CAST: variants seen among roughly 807,000 people sequenced by gnomAD.
The protein encoded by CAST is calpastatin, also known as MIR583 host.
In CAST, 76 loss-of-function variants were observed where a neutral mutation model predicts 119.6. That is an observed-to-expected ratio of 0.64 (90% confidence interval 0.53 to 0.77). The LOEUF (loss-of-function observed/expected upper bound fraction) is 0.77, where lower values mean the gene tolerates loss of function less well. CAST is among the 30% of genes least tolerant of loss of function. The pLI is 0.00. For synonymous variants in CAST, 319 were observed against 331.6 expected (o/e 0.96, Z 0.41); for missense variants, 953 against 946.5 (o/e 1.01, Z -0.09).
intron 1 of CAST, among the ~76,000 whole-genome samples, chr5:96,570,351 T>C (rs929440629): frequency 1.2e-4 from 18 of 152,170 alleles, no homozygotes; most frequent in African/African-American, 4.3e-4. Context: ...TTGGTAATCA[T>C]GGAGCCATGG....
chr5:96,036,161 A>ATT, the CAST span, among the ~76,000 whole-genome samples: 750 of 149,796 alleles, frequency 5.0e-3, 6 homozygotes, highest in East Asian at 0.037. Flanking sequence ...CTATCAATGC[A>ATT]TTTTTTTTTG....
At chr5:96,143,122 T>C in the CAST span, among the ~76,000 whole-genome samples, 1 of 152,242 alleles carries the variant, frequency 6.6e-6, no homozygotes, top group African/African-American at 2.4e-5. Flanking sequence ...AGTAAATTGC[T>C]GTAAAAGACA....
chr5:96,165,589 A>T, the CAST span, among the ~76,000 whole-genome samples: 480 of 152,324 alleles, frequency 3.2e-3, 1 homozygote, highest in Non-Finnish European at 3.8e-3. Context: ...TTTACAAGTA[A>T]CAACATATAT....
chr5:96,413,025 A>C, the CAST span: 2 of 882,420 alleles, frequency 2.3e-6, no homozygotes, highest in Non-Finnish European at 2.7e-6. Context: ...GACTCTGGAC[A>C]GGAAACATGT....
At chr5:96,148,396 T>C in the CAST span, among the ~76,000 whole-genome samples, 3 of 152,230 alleles carry the variant, frequency 2.0e-5, no homozygotes, top group African/African-American at 7.2e-5. Flanking sequence ...AATTATGTGT[T>C]TTGATGCCTT....
chr5:96,601,397 G>C (rs1159063692), intron 1 of CAST, among the ~76,000 whole-genome samples: 2 of 152,180 alleles, frequency 1.3e-5, no homozygotes, highest in African/African-American at 4.8e-5. Flanking sequence ...TGTGACCTTG[G>C]CAGAAAATAA....
intron 1 of CAST, among the ~76,000 whole-genome samples, chr5:96,558,888 G>C (rs1412531616): frequency 6.6e-5 from 10 of 152,012 alleles, no homozygotes; most frequent in Non-Finnish European, 1.3e-4. Context: ...ACCAAAGCCT[G>C]GCAGAGACAC....
the CAST span, among the ~76,000 whole-genome samples, chr5:96,101,128 C>T: frequency 6.6e-6 from 1 of 152,124 alleles, no homozygotes; most frequent in Admixed American, 6.5e-5. Flanking sequence ...CCAGGATGGT[C>T]TTAAACTCCT....
chr5:96,003,355 G>A, the CAST span, among the ~76,000 whole-genome samples: 6 of 152,074 alleles, frequency 3.9e-5, no homozygotes, highest in East Asian at 1.9e-4. Context: ...TGGCTAACAC[G>A]GTGAAACCCC....
the CAST span, among the ~76,000 whole-genome samples, chr5:96,402,052 G>A: frequency 6.6e-6 from 1 of 152,184 alleles, no homozygotes. Context: ...CAAGGTTCCT[G>A]TCTCAGCACT....
the CAST span, among the ~76,000 whole-genome samples, chr5:96,233,132 A>G: frequency 1.3e-5 from 2 of 152,126 alleles, no homozygotes. Context: ...AAAAATTCAA[A>G]AACCAAAATA....
the CAST span, among the ~76,000 whole-genome samples, chr5:96,279,688 C>CAGCT: frequency 2.7e-3 from 417 of 152,292 alleles, 1 homozygote; most frequent in African/African-American, 9.7e-3. Context: ...TCTTATACCA[C>CAGCT]AGCTATACAT....
chr5:96,750,819 T>C (rs572857111), intron 20 of CAST, 137 bp downstream of exon 20: 1 of 494,544 alleles, frequency 2.0e-6, no homozygotes, highest in East Asian at 3.3e-5. Flanking sequence ...TTATAGTATC[T>C]GTTGTTTCTT....
At chr5:96,470,135 T>C in the CAST span, among the ~76,000 whole-genome samples, 1 of 151,160 alleles carries the variant, frequency 6.6e-6, no homozygotes, top group Non-Finnish European at 1.5e-5. Context: ...ACTTCCCAGA[T>C]GAAAAATTAA....
At chr5:96,284,244 C>T in the CAST span, among the ~76,000 whole-genome samples, 4 of 152,294 alleles carry the variant, frequency 2.6e-5, no homozygotes, top group South Asian at 8.3e-4. Context: ...CCTCTCAGTA[C>T]CCCCAGGGAC....
At chr5:96,731,490 T>G (rs1324966825) in intron 9 of CAST, among the ~76,000 whole-genome samples, 2 of 134,040 alleles carry the variant, frequency 1.5e-5, no homozygotes, top group East Asian at 2.2e-4. Flanking sequence ...TTTTTTTTTT[T>G]GCATTTATTT....
chr5:96,751,269 T>C (rs1347671268), intron 20 of CAST, among the ~76,000 whole-genome samples: 1 of 152,224 alleles, frequency 6.6e-6, no homozygotes, highest in Non-Finnish European at 1.5e-5. Context: ...CTGATGGAAT[T>C]ATATTTCAAT....
chr5:96,581,704 C>A (rs868530431), intron 1 of CAST, among the ~76,000 whole-genome samples: 1 of 152,068 alleles, frequency 6.6e-6, no homozygotes, highest in Non-Finnish European at 1.5e-5. Context: ...TCCTGGCTAA[C>A]ATGGTGAAAC....
At chr5:96,358,158 T>C in the CAST span, among the ~76,000 whole-genome samples, 1 of 152,196 alleles carries the variant, frequency 6.6e-6, no homozygotes. Flanking sequence ...TTTATATTTC[T>C]GTGGGATCAG....
Sources: gnomAD v4.1 joint callset for allele counts (sites outside exome capture counted in the v4.1 genomes callset) on GRCh38, gnomAD v4.1.1 for gene constraint, MANE v1.5 for transcripts, NCBI Gene and HGNC (gene_info 2026-07-23, HGNC 2026-07-21) for gene names.